The following GRK1 variants were observed in gnomAD, a reference collection of about 807,000 sequenced individuals.
GRK1 encodes rhodopsin kinase GRK1.
GRK1 carries 28 observed loss-of-function variants against 41.7 expected under a neutral mutation model. The ratio of observed to expected loss-of-function variants is 0.67; its 90% CI spans 0.50 to 0.92. The LOEUF is 0.92. Ranked by LOEUF, GRK1 falls within the 40% of genes least tolerant of loss-of-function variation. The probability of loss-of-function intolerance (pLI) is 0.00; values close to 1 mark genes in which losing one functional copy is unlikely to be tolerated. For missense variants in GRK1, 703 were observed against 671.2 expected, an observed-to-expected ratio of 1.05 and a Z score of -0.52; for synonymous variants, 327 against 286.7, an observed-to-expected ratio of 1.14 and a Z score of -1.42.
At chr13:113,652,250 G>A in the GRK1 span, among the ~76,000 whole-genome samples, 5 of 152,228 alleles carry the variant, frequency 3.3e-5, no homozygotes, top group Non-Finnish European at 7.3e-5. Flanking sequence ...TGGGACCCCC[G>A]TCACAGCCCC....
chr13:113,733,056 A>G lies in GRK1; in HGVS notation c.1367A>G (p.Lys456Arg). The G allele has an allele frequency of 6.5e-7, 1 of 1,536,974 alleles. No homozygotes were observed. The highest frequency in any genetic ancestry group is 8.7e-7 in the Non-Finnish European group (1 of 1,146,882). Residue 456 changes from lysine to arginine, a missense_variant, in exon 6 of 7, where the codon AAG becomes AGG. Transcript: ENST00000335678. ...CDKLRAHPLF[K>R]DLNWRQLEAG... The stretch of plus-strand genomic sequence containing the variant: ...AAGCTCCGTGCCCACCCCCTCTTCA[A>G]GGACCTTAACTGGAGGCAGCTGGAG...
At chr13:113,663,999 T>C (rs77418742), upstream of GRK1, among the ~76,000 whole-genome samples, 7,109 of 152,268 alleles carry the variant, frequency 0.047, 232 homozygotes, top group South Asian at 0.072. Flanking sequence ...GCTTTATAGC[T>C]AAACACTGGA....
rs370592404 is a variant in GRK1, at chr13:113,736,602, C to T, written c.*1239C>T. 1 of 152,230 alleles carries T rather than the reference C, an allele frequency of 6.6e-6. No individual in the cohort carries two copies. The highest frequency in any genetic ancestry group is 1.5e-5 in the Non-Finnish European group (1 of 68,050). 9.4% of individuals were successfully genotyped at this position (152,230 alleles called of 1,614,324 possible). ...GGTTCCATGGCCTCAGCAGCCGGCT[C>T]AGAGGGAGTGCATCCAAGCCGCAGG... On this transcript the variant is annotated 3_prime_UTR_variant, in exon 7 of 7. Transcript: ENST00000335678.
At chr13:113,650,462 G>A in the GRK1 span, 2 of 1,614,090 alleles carry the variant, frequency 1.2e-6, no homozygotes, top group Non-Finnish European at 1.7e-6. The surrounding 1 kb of genome is among the most constrained non-coding windows in gnomAD (Gnocchi z 5.0). Flanking sequence ...CCGTTGGGAG[G>A]GTAGTACTTG....
chr13:113,735,175 GAC>G lies in GRK1; in HGVS notation c.1508_1509del (p.Thr503ArgfsTer120), dbSNP rs1179741805. ...TVKGVAFDKT[D>X]TEFFQEFATG... ...CAAAGGTGTGGCCTTTGACAAAACA[GAC>G]ACAGAATTCTTTCAGGAATTTGCCA... is the stretch of plus-strand genomic sequence containing the variant. On this transcript the variant is annotated frameshift_variant, in exon 7 of 7. Coordinates refer to ENST00000335678, the MANE Select transcript of GRK1 (RefSeq NM_002929.3). LOFTEE classifies it low-confidence loss of function (END_TRUNC). 1.3e-6 allele frequency: 2 copies of G among 1,537,118 alleles called. No homozygotes were observed. Among genetic ancestry groups the G allele is most frequent in the African/African-American group, 2.7e-5 (2 of 73,060 alleles).
rs1409236012 is a variant in GRK1 at position 113,735,507 on chromosome 13, G to T, written c.*144G>T. On this transcript the variant is annotated 3_prime_UTR_variant, in exon 7 of 7. Transcript: ENST00000335678. ...GGTCCCCATCACGCCATCTCCTTGC[G>T]GCCCAAGGAGGAGAAAGCCCACATC... is the stretch of plus-strand genomic sequence containing the variant. 5.5e-6 allele frequency: 5 copies of T among 909,866 alleles called. No individual in the cohort carries two copies. The highest frequency in any genetic ancestry group is 1.7e-5 in the African/African-American group (1 of 59,270). The allele number at this position is 909,866 out of a possible 1,614,324, so 56.4% of individuals were successfully genotyped here.
rs556762063 is a variant in GRK1, at chr13:113,728,942, C to T, written c.1070-2277C>T. Among the ~76,000 whole-genome samples, 11 of 152,192 alleles carry T rather than the reference C, an allele frequency of 7.2e-5. No homozygotes were observed. In the South Asian group the frequency reaches 2.3e-3, roughly 32 times the overall value. On this transcript the variant is annotated intron_variant, in intron 4 of 6. Coordinates refer to ENST00000335678, the MANE Select transcript of GRK1 (RefSeq NM_002929.3). ...AGAGGTGGGAGGAGAGGAGAGGACCCCATGCCAGCCTGAGCAGCGTGGGGG... is the reference window on the plus strand; with the variant it reads ...AGAGGTGGGAGGAGAGGAGAGGACCTCATGCCAGCCTGAGCAGCGTGGGGG...
the GRK1 span, among the ~76,000 whole-genome samples, chr13:113,656,515 C>G: frequency 2.6e-5 from 4 of 152,156 alleles, no homozygotes; most frequent in African/African-American, 9.7e-5. Flanking sequence ...CCTGGGCCCC[C>G]GCTTGCACCA....
the GRK1 span, chr13:113,650,437 T>G: frequency 6.2e-7 from 1 of 1,614,070 alleles, no homozygotes; most frequent in African/African-American, 1.3e-5. The surrounding 1 kb of genome is among the most constrained non-coding windows in gnomAD (Gnocchi z 5.0). Flanking sequence ...AGGGAAGTAG[T>G]GCAGACTGAA....
rs928947528 is a variant in GRK1 at position 113,736,368 on chromosome 13, T to G, written c.*1005T>G. The G allele has an allele frequency of 3.3e-5, 5 of 152,308 alleles. No individual in the cohort carries two copies. The highest frequency in any genetic ancestry group is 1.2e-4 in the African/African-American group (5 of 41,462). The allele number at this position is 152,308 out of a possible 1,614,324, so 9.4% of individuals were successfully genotyped here. ...TCTGTGTTCCCAGTAGCAGCAGCAC[T>G]GGAGTCCTAAAGCCATAGCCCGGGA... On this transcript the variant is annotated 3_prime_UTR_variant, in exon 7 of 7. Transcript: ENST00000335678.
the GRK1 span, chr13:113,649,195 A>C: frequency 7.1e-6 from 4 of 563,708 alleles, no homozygotes; most frequent in Non-Finnish European, 1.2e-5. This position sits in a 1 kb window ranked among gnomAD's most constrained non-coding sequence, Gnocchi z 4.7. Context: ...AAGAACTGAT[A>C]CTCGCGAGCA....
intron 5 of GRK1, among the ~76,000 whole-genome samples, chr13:113,732,169 TCTCAGAG>T (rs2049941931): frequency 6.6e-6 from 1 of 152,186 alleles, no homozygotes; most frequent in Non-Finnish European, 1.5e-5. Flanking sequence ...AAGGCCACCG[TCTCAGAG>T]TTGCATCAGG....
intron 6 of GRK1, chr13:113,734,729 T>C (rs2049990176): frequency 9.8e-6 from 2 of 204,202 alleles, no homozygotes; most frequent in Non-Finnish European, 1.9e-5. Context: ...GGGGAAGGCG[T>C]GTTCGGGGAG....
chr13:113,731,271 C>A lies in GRK1; in HGVS notation c.1122C>A (p.Asp374Glu). The change falls in exon 5 of 7, where the codon GAC becomes GAA. Residue 374 changes from aspartate to glutamate, a missense_variant. Coordinates refer to ENST00000335678, the MANE Select transcript of GRK1 (RefSeq NM_002929.3). The surrounding 1 kb of genome is among the most constrained non-coding windows in gnomAD (Gnocchi z 5.6). The part of the protein sequence containing the change: ...LQGEEYDFSV[D>E]YFALGVTLYE... ...GCGAGGAGTACGACTTCTCCGTGGACTACTTTGCCCTGGGGGTCACCCTGT... is the reference window on the plus strand; with the variant it reads ...GCGAGGAGTACGACTTCTCCGTGGAATACTTTGCCCTGGGGGTCACCCTGT... 1 of 1,537,154 alleles carries A rather than the reference C, an allele frequency of 6.5e-7. No homozygotes were observed. The highest frequency in any genetic ancestry group is 8.7e-7 in the Non-Finnish European group (1 of 1,146,856).
chr13:113,657,365 G>A, the GRK1 span, among the ~76,000 whole-genome samples: 10 of 152,230 alleles, frequency 6.6e-5, no homozygotes, highest in African/African-American at 2.2e-4. Context: ...TCTCATAAGG[G>A]GTGAGGGCGT....
At chr13:113,733,956 ATACGTGT>A (rs2049977744) in intron 6 of GRK1, among the ~76,000 whole-genome samples, 3 of 111,536 alleles carry the variant, frequency 2.7e-5, no homozygotes, top group African/African-American at 7.2e-5. Flanking sequence ...GTGTGTGTGC[ATACGTGT>A]GTGTGCGTGT....
chr13:113,724,842 A>G (rs965828140), intron 4 of GRK1, among the ~76,000 whole-genome samples: 1 of 152,196 alleles, frequency 6.6e-6, no homozygotes, highest in African/African-American at 2.4e-5. Context: ...GACCCTTGCC[A>G]AGCCTGGGTG....
chr13:113,733,879 ATACGTGTGTGCGTGTG>A (rs2049972328), intron 6 of GRK1, among the ~76,000 whole-genome samples: 1 of 78,268 alleles, frequency 1.3e-5, no homozygotes, highest in East Asian at 3.1e-4. Context: ...GCGTGTGTGC[ATACGTGTGTGCGTGTG>A]TGTATGTGTG....
At chr13:113,729,723 C>T (rs191954989) in intron 4 of GRK1, among the ~76,000 whole-genome samples, 3 of 152,308 alleles carry the variant, frequency 2.0e-5, no homozygotes, top group Admixed American at 6.5e-5. Context: ...TGTCCTGTGA[C>T]GGTCCCCACA....
Sources: allele counts gnomAD v4.1 joint callset (sites outside exome capture counted in the v4.1 genomes callset), GRCh38; gene constraint gnomAD v4.1.1; non-coding constraint Gnocchi (gnomAD v3.1); transcripts MANE v1.5; gene names NCBI Gene and HGNC (gene_info 2026-07-23, HGNC 2026-07-21).